USP47: variants seen among roughly 807,000 people sequenced by gnomAD.
USP47 encodes the protein ubiquitin specific peptidase 47.
A neutral mutation model predicts 165.1 loss-of-function variants in USP47; 35 were observed. The ratio of observed to expected loss-of-function variants is 0.21; its 90% CI spans 0.16 to 0.28. The LOEUF (loss-of-function observed/expected upper bound fraction) is 0.28, where lower values mean the gene tolerates loss of function less well. Ranked by LOEUF, USP47 falls within the 10% of genes least tolerant of loss-of-function variation. The pLI, the probability that USP47 is intolerant of heterozygous loss-of-function variation, is 1.00. For synonymous variants in USP47, 531 were observed against 544.5 expected, an observed-to-expected ratio of 0.98 and a Z score of 0.35; for missense variants, 1,277 against 1,607.4, an observed-to-expected ratio of 0.79 and a Z score of 3.52.
chr11:11,874,261 C>T (rs1850248819), intron 1 of USP47, among the ~76,000 whole-genome samples: 1 of 152,136 alleles, frequency 6.6e-6, no homozygotes, highest in Admixed American at 6.5e-5. Context: ...ACTTAAACTT[C>T]CATGTGATGT....
chr11:11,875,279 G>A (rs1366964903), intron 1 of USP47, among the ~76,000 whole-genome samples: 1 of 152,018 alleles, frequency 6.6e-6, no homozygotes, highest in Non-Finnish European at 1.5e-5. Flanking sequence ...GTATGCTGAT[G>A]CCATTCTGAA....
chr11:11,948,030 C>G lies in USP47; in HGVS notation c.3177C>G (p.His1059Gln). Residue 1059 changes from histidine to glutamine, a missense_variant, in exon 21 of 28, where the codon CAC becomes CAG. His to Gln is a conservative substitution (Grantham distance 24). Around this residue, in one of 4 missense-constraint regions of USP47, gnomAD observed 909 missense variants for 1,068.1 expected, o/e 0.85. Transcript: ENST00000527733. ...LEPFVGVLSS[H>Q]FKVFRVYASN... ...CCTTTGTTGGAGTTTTGTCCTCTCACTTCAAGGTCTTTCGAGTGTATGCCA... is the reference window on the plus strand; with the variant it reads ...CCTTTGTTGGAGTTTTGTCCTCTCAGTTCAAGGTCTTTCGAGTGTATGCCA... The G allele has an allele frequency of 6.2e-7, 1 of 1,613,830 alleles. No individual in the cohort carries two copies. The highest frequency in any genetic ancestry group is 1.3e-5 in the African/African-American group (1 of 74,984).
chr11:11,919,046 T>TTTC (rs199980130), intron 8 of USP47, among the ~76,000 whole-genome samples: 3 of 69,306 alleles, frequency 4.3e-5, no homozygotes, highest in African/African-American at 2.7e-4. Context: ...AGCCGTTTGG[T>TTTC]TTCTTCACTT....
intron 7 of USP47, among the ~76,000 whole-genome samples, chr11:11,904,383 G>A (rs752496445): frequency 1.3e-5 from 2 of 152,162 alleles, no homozygotes; most frequent in Non-Finnish European, 2.9e-5. Flanking sequence ...TTGAAGAAAT[G>A]TAAGTTTATG....
chr11:11,955,931 C>T (rs1435399604), intron 27 of USP47, 70 bp from the exon 28 acceptor site: 1 of 1,203,286 alleles, frequency 8.3e-7, no homozygotes, highest in Admixed American at 2.6e-5. Flanking sequence ...AGCATCATAG[C>T]ATTCAAGCAT....
intron 1 of USP47, among the ~76,000 whole-genome samples, chr11:11,857,938 A>G (rs1206953458): frequency 1.3e-5 from 2 of 149,198 alleles, no homozygotes; most frequent in African/African-American, 4.9e-5. Flanking sequence ...GCTTTCCACA[A>G]CCAATCAGAT....
intron 1 of USP47, among the ~76,000 whole-genome samples, chr11:11,865,072 A>G (rs1347507142): frequency 6.6e-6 from 1 of 152,150 alleles, no homozygotes; most frequent in Admixed American, 6.5e-5. Context: ...AATACTTGCA[A>G]AAATCTTTCT....
intron 2 of USP47, among the ~76,000 whole-genome samples, chr11:11,880,848 T>A (rs1349437703): frequency 2.0e-5 from 3 of 152,144 alleles, no homozygotes; most frequent in Non-Finnish European, 4.4e-5. Flanking sequence ...TTCTTTTTAT[T>A]TGTGTGTCTA....
intron 16 of USP47, among the ~76,000 whole-genome samples, chr11:11,935,902 T>A (rs545296092): frequency 6.6e-6 from 1 of 151,938 alleles, no homozygotes; most frequent in Non-Finnish European, 1.5e-5. Flanking sequence ...TCAATTCTAC[T>A]CCAGATTGGA....
chr11:11,917,331 T>A (rs565676621), intron 8 of USP47, among the ~76,000 whole-genome samples: 1 of 152,218 alleles, frequency 6.6e-6, no homozygotes, highest in Non-Finnish European at 1.5e-5. Context: ...ACTCATTGGG[T>A]ATTATATCCA....
chr11:11,935,948 T>A (rs1346851638), intron 16 of USP47, among the ~76,000 whole-genome samples: 4 of 151,946 alleles, frequency 2.6e-5, no homozygotes, highest in Non-Finnish European at 5.9e-5. Context: ...TAGTTGGCTG[T>A]TTGGTTGTTT....
chr11:11,842,525 T>G (rs1010938659), intron 1 of USP47, among the ~76,000 whole-genome samples: 5 of 152,210 alleles, frequency 3.3e-5, no homozygotes, highest in Non-Finnish European at 7.3e-5. Flanking sequence ...AGTTCTTGTT[T>G]AACGTGTGGA....
At chr11:11,891,840 G>C in intron 3 of USP47, 128 bp from the exon 4 acceptor site, 1 of 1,135,872 alleles carries the variant, frequency 8.8e-7, no homozygotes. Flanking sequence ...ACTTTGGAAG[G>C]GGGCATGAGC....
intron 4 of USP47, among the ~76,000 whole-genome samples, 169 bp from the exon 5 acceptor site, chr11:11,897,428 A>G (rs1851918514): frequency 6.6e-6 from 1 of 152,126 alleles, no homozygotes; most frequent in Non-Finnish European, 1.5e-5. Context: ...CTTAGAGCAC[A>G]TATTAGAAAA....
intron 1 of USP47, among the ~76,000 whole-genome samples, chr11:11,842,989 C>G (rs1304267005): frequency 6.6e-6 from 1 of 152,028 alleles, no homozygotes; most frequent in East Asian, 1.9e-4. Context: ...CAGCACTGGC[C>G]AGCGAATTTC....
At chr11:11,890,292 A>G (rs1009183656) in intron 3 of USP47, among the ~76,000 whole-genome samples, 2 of 152,228 alleles carry the variant, frequency 1.3e-5, no homozygotes, top group African/African-American at 4.8e-5. Context: ...AAATTTTTAC[A>G]ATCTATCCAC....
chr11:11,940,084 T>C (rs928815711), intron 18 of USP47, among the ~76,000 whole-genome samples: 4 of 152,028 alleles, frequency 2.6e-5, no homozygotes, highest in African/African-American at 9.7e-5. Flanking sequence ...AACATTTTGA[T>C]ATCAGCAGTC....
intron 2 of USP47, 41 bp downstream of exon 2, chr11:11,880,421 C>A: frequency 8.0e-7 from 1 of 1,248,610 alleles, no homozygotes; most frequent in Non-Finnish European, 1.0e-6. Context: ...GTTATTATAG[C>A]CATTGTTGTT....
chr11:11,842,199 A>G lies in USP47; in HGVS notation c.14A>G (p.Glu5Gly), dbSNP rs1286991659. 18 of 1,553,932 alleles carry G rather than the reference A, an allele frequency of 1.2e-5. No individual in the cohort carries two copies. In the East Asian group the frequency reaches 2.6e-4, roughly 23 times the overall value. The change falls in exon 1 of 28, where the codon GAG becomes GGG. Residue 5 changes from glutamate to glycine, a missense_variant. By Grantham distance (98) the Glu-to-Gly change is moderately conservative. Around this residue, in one of 4 missense-constraint regions of USP47, gnomAD observed 181 missense variants for 194.7 expected, o/e 0.93. Transcript: ENST00000527733. MVPG[E>G]ENQLVPKEIE... is the part of the protein sequence containing the mutation. The stretch of plus-strand genomic sequence containing the variant: ...CCGGAGTCAGCGATGGTGCCCGGCG[A>G]GGAGAACCAACTGGTCCCGAAAGAG...
Sources: gnomAD v4.1 joint callset for allele counts (sites outside exome capture counted in the v4.1 genomes callset) on GRCh38, gnomAD v4.1.1 for gene constraint, gnomAD v4.1.1 regional missense constraint, MANE v1.5 for transcripts, NCBI Gene and HGNC (gene_info 2026-07-23, HGNC 2026-07-21) for gene names.